Variants in KCTD3 observed in about 807,000 individuals in gnomAD.
KCTD3 encodes the protein potassium channel tetramerization domain containing 3.
KCTD3 carries 41 observed loss-of-function variants against 85.8 expected under a neutral mutation model. The ratio of observed to expected loss-of-function variants is 0.48; its 90% CI spans 0.37 to 0.62. The LOEUF (loss-of-function observed/expected upper bound fraction) is 0.62. Among genes scored for constraint, KCTD3 ranks in the 20% least tolerant of loss-of-function variants. The pLI, the probability that KCTD3 is intolerant of heterozygous loss-of-function variation, is 0.00. For synonymous variants in KCTD3, 338 were observed against 345.4 expected (o/e 0.98, Z 0.24); for missense variants, 724 against 989.9 (o/e 0.73, Z 3.60).
chr1:215,612,087 A>T (rs1365387393), intron 15 of KCTD3, among the ~76,000 whole-genome samples, 166 bp downstream of exon 15: 1 of 152,190 alleles, frequency 6.6e-6, no homozygotes, highest in Non-Finnish European at 1.5e-5. Context: ...AGTAGACTTT[A>T]TGCTTACTTT....
chr1:215,617,034 C>T (rs1291635176), intron 15 of KCTD3, among the ~76,000 whole-genome samples: 2 of 152,116 alleles, frequency 1.3e-5, no homozygotes, highest in South Asian at 2.1e-4. Context: ...TCAATCATGC[C>T]TATATAATGG....
intron 13 of KCTD3, among the ~76,000 whole-genome samples, chr1:215,605,657 A>T (rs1654991730): frequency 6.6e-6 from 1 of 152,164 alleles, no homozygotes; most frequent in Admixed American, 6.6e-5. Context: ...TGGACAAAAT[A>T]AAACTTAATG....
In KCTD3 at chr1:215,611,815, T is replaced by G. The variant is rs752893439; in HGVS notation, c.1466-10T>G. On this transcript the variant is annotated splice_polypyrimidine_tract_variant and intron_variant, in intron 14 of 17. Coordinates refer to ENST00000259154, the MANE Select transcript of KCTD3 (RefSeq NM_016121.5). ...AATTAATTTTTTGACATTTTTGTTT[T>G]CTGATCAAGGACCTTTTGGAGAGCG... 3.2e-6 allele frequency: 5 copies of G among 1,563,980 alleles called. No individual in the cohort carries two copies. In the South Asian group the frequency reaches 6.2e-5, roughly 19 times the overall value.
In KCTD3 at chr1:215,620,734, T is replaced by TA; in HGVS notation, c.*117dup. On this transcript the variant is annotated 3_prime_UTR_variant, in exon 18 of 18. Transcript: ENST00000259154. The stretch of plus-strand genomic sequence containing the variant: ...TTACAAGATAAAATTGGACTTCATT[T>TA]AGTATCTTTTTAACAGAATTACTTG... 5.9e-6 allele frequency: 4 copies of TA among 674,654 alleles called. No homozygotes were observed. Among genetic ancestry groups the TA allele is most frequent in the Non-Finnish European group, 9.7e-6 (4 of 411,898 alleles). 41.8% of individuals were successfully genotyped at this position (674,654 alleles called of 1,614,324 possible). A position where few individuals can be genotyped will look rare whatever the true frequency, so the allele number is the denominator to read the frequency against.
chr1:215,596,895 G>A (rs1350746695), intron 10 of KCTD3, among the ~76,000 whole-genome samples: 1 of 152,168 alleles, frequency 6.6e-6, no homozygotes, highest in African/African-American at 2.4e-5. Context: ...AAAGTCAAGA[G>A]TGTATATGGG....
intron 15 of KCTD3, among the ~76,000 whole-genome samples, chr1:215,613,715 A>G (rs189215539): frequency 1.1e-4 from 16 of 152,228 alleles, no homozygotes; most frequent in Admixed American, 9.2e-4. Context: ...ATCTTCTGCA[A>G]ATGGCTAGCC....
intron 9 of KCTD3, among the ~76,000 whole-genome samples, chr1:215,592,669 C>A (rs1293664014): frequency 6.6e-6 from 1 of 152,110 alleles, no homozygotes; most frequent in African/African-American, 2.4e-5. Context: ...GTAATTTGTT[C>A]ATGCCCTGTA....
At chr1:215,612,657 C>G (rs1655275965) in intron 15 of KCTD3, among the ~76,000 whole-genome samples, 1 of 152,144 alleles carries the variant, frequency 6.6e-6, no homozygotes, top group African/African-American at 2.4e-5. Flanking sequence ...CTTCCTGTTA[C>G]TAGCTATGTA....
chr1:215,615,126 G>T (rs993837269), intron 15 of KCTD3, among the ~76,000 whole-genome samples: 3 of 152,048 alleles, frequency 2.0e-5, no homozygotes, highest in African/African-American at 7.2e-5. Context: ...CAAAGGAAAA[G>T]CTATAGTTAC....
intron 9 of KCTD3, among the ~76,000 whole-genome samples, chr1:215,591,634 G>A (rs1256744273): frequency 2.0e-5 from 3 of 152,080 alleles, no homozygotes; most frequent in East Asian, 1.9e-4. Context: ...GATTACAGGC[G>A]TGAGCCACCG....
intron 10 of KCTD3, among the ~76,000 whole-genome samples, chr1:215,597,080 C>T (rs1654597076): frequency 1.3e-5 from 2 of 152,058 alleles, no homozygotes; most frequent in Non-Finnish European, 2.9e-5. Flanking sequence ...TCTTTAGTTA[C>T]ATAATCAAGG....
At chr1:215,607,895 TAAGATAA>T in intron 13 of KCTD3, 115 bp from the exon 14 acceptor site, 1 of 646,304 alleles carries the variant, frequency 1.5e-6, no homozygotes, top group Non-Finnish European at 2.3e-6. Context: ...AGTATAGTTT[TAAGATAA>T]ATATGTCATT....
At chr1:215,617,647 T>C (rs1393240070) in intron 15 of KCTD3, among the ~76,000 whole-genome samples, 1 of 151,806 alleles carries the variant, frequency 6.6e-6, no homozygotes, top group African/African-American at 2.4e-5. Flanking sequence ...TCTCTCTTCC[T>C]ACATGCAGCA....
chr1:215,591,728 G>C (rs1253667379), intron 9 of KCTD3, among the ~76,000 whole-genome samples: 1 of 152,154 alleles, frequency 6.6e-6, no homozygotes, highest in Non-Finnish European at 1.5e-5. Flanking sequence ...TTAGGGAAAC[G>C]CTTATGCAAC....
chr1:215,574,099 T>C lies in KCTD3; in HGVS notation c.164T>C (p.Leu55Pro). 6.3e-7 allele frequency: 1 copy of C among 1,587,468 alleles called. No homozygotes were observed. The stretch of plus-strand genomic sequence containing the variant: ...TTGCTGAGTGGGAGAATTTCAACAC[T>C]TCGAGATGAAACTGGTGCTGTGAGT... ...SSLLSGRIST[L>P]RDETGAIFID... Residue 55 changes from leucine (L) to proline (P), a missense_variant, in exon 3 of 18, where the codon CTT becomes CCT. Leu to Pro is a moderately conservative substitution (Grantham distance 98). Around this residue, in one of 6 missense-constraint regions of KCTD3, gnomAD observed 97 missense variants for 115.7 expected, o/e 0.84. Coordinates refer to ENST00000259154, the MANE Select transcript of KCTD3 (RefSeq NM_016121.5).
At chr1:215,582,184 T>G (rs1167548926) in intron 8 of KCTD3, among the ~76,000 whole-genome samples, 1 of 152,258 alleles carries the variant, frequency 6.6e-6, no homozygotes, top group Non-Finnish European at 1.5e-5. Context: ...TAGGTAATTA[T>G]GTTCTGACAA....
intron 15 of KCTD3, among the ~76,000 whole-genome samples, chr1:215,614,135 C>T (rs1385415102): frequency 6.9e-6 from 1 of 145,854 alleles, no homozygotes; most frequent in African/African-American, 2.5e-5. Context: ...CGGGTTCACA[C>T]TATTCTCCTG....
chr1:215,608,730 A>G (rs999085901), intron 14 of KCTD3, among the ~76,000 whole-genome samples: 1 of 151,936 alleles, frequency 6.6e-6, no homozygotes, highest in Non-Finnish European at 1.5e-5. Flanking sequence ...GTGCATACAC[A>G]TATACAGTCT....
intron 12 of KCTD3, among the ~76,000 whole-genome samples, chr1:215,603,573 A>C (rs530030594): frequency 6.6e-6 from 1 of 152,356 alleles, no homozygotes; most frequent in East Asian, 1.9e-4. Context: ...TTTGAAACTT[A>C]AATAGTATAT....
Sources: gnomAD v4.1 joint callset for allele counts (sites outside exome capture counted in the v4.1 genomes callset) on GRCh38, gnomAD v4.1.1 for gene constraint, gnomAD v4.1.1 regional missense constraint, MANE v1.5 for transcripts, NCBI Gene and HGNC (gene_info 2026-07-23, HGNC 2026-07-21) for gene names.